Variants in SLCO5A1 observed in about 807,000 individuals in gnomAD.
SLCO5A1 encodes the protein organic anion transporter polypeptide-related protein 4.
SLCO5A1 carries 39 observed loss-of-function variants against 65.1 expected under a neutral mutation model. That is an observed-to-expected ratio of 0.60 (90% CI 0.46 to 0.78). The LOEUF (loss-of-function observed/expected upper bound fraction) is 0.78, where lower values mean the gene tolerates loss of function less well. Among genes scored for constraint, SLCO5A1 ranks in the 30% least tolerant of loss-of-function variants. The pLI is 0.00. For synonymous variants in SLCO5A1, 438 were observed against 415.7 expected (o/e 1.05, Z -0.65); for missense variants, 1,029 against 1,069.4 (o/e 0.96, Z 0.53).
intron 2 of SLCO5A1, among the ~76,000 whole-genome samples, chr8:69,764,237 A>G (rs961641683): frequency 6.6e-6 from 1 of 152,200 alleles, no homozygotes; most frequent in Admixed American, 6.5e-5. Flanking sequence ...CTCATTTCCA[A>G]TGTCAGCATA....
At chr8:69,751,704 G>A (rs931453556) in intron 4 of SLCO5A1, among the ~76,000 whole-genome samples, 2 of 151,846 alleles carry the variant, frequency 1.3e-5, no homozygotes, top group African/African-American at 4.8e-5. Flanking sequence ...TCACCACAAC[G>A]CCCATCTAAT....
chr8:69,828,340 C>T (rs1273854019), intron 2 of SLCO5A1, among the ~76,000 whole-genome samples: 3 of 151,780 alleles, frequency 2.0e-5, no homozygotes, highest in African/African-American at 7.3e-5. Flanking sequence ...CAGTGGCTCA[C>T]GCCTGTAATC....
intron 2 of SLCO5A1, among the ~76,000 whole-genome samples, chr8:69,767,479 T>C (rs9657091): frequency 0.19 from 29,016 of 152,126 alleles, 3,309 homozygotes; most frequent in African/African-American, 0.31. Flanking sequence ...TCTCTGAGCC[T>C]GTTTCCTCAT....
At chr8:69,795,553 T>C (rs1819454207) in intron 2 of SLCO5A1, among the ~76,000 whole-genome samples, 3 of 152,234 alleles carry the variant, frequency 2.0e-5, no homozygotes, top group Non-Finnish European at 4.4e-5. Context: ...CTTGGGCAGC[T>C]CTGCCCTGTG....
chr8:69,755,124 T>A (rs571555700), intron 4 of SLCO5A1, among the ~76,000 whole-genome samples: 4 of 152,364 alleles, frequency 2.6e-5, no homozygotes, highest in African/African-American at 7.2e-5. Flanking sequence ...ACCATTTTTT[T>A]AAATTATTAT....
At chr8:69,724,844 T>C (rs1479875584) in intron 5 of SLCO5A1, among the ~76,000 whole-genome samples, 3 of 152,204 alleles carry the variant, frequency 2.0e-5, no homozygotes, top group Non-Finnish European at 4.4e-5. Context: ...AGTTTGTCAC[T>C]AGCCGCAGTG....
At chr8:69,814,988 G>T (rs932502247) in intron 2 of SLCO5A1, among the ~76,000 whole-genome samples, 1 of 152,174 alleles carries the variant, frequency 6.6e-6, no homozygotes, top group Non-Finnish European at 1.5e-5. Flanking sequence ...GCAGAGAGTA[G>T]ACTGATGGTT....
At chr8:69,714,404 A>G (rs1026905878) in intron 5 of SLCO5A1, among the ~76,000 whole-genome samples, 1 of 152,250 alleles carries the variant, frequency 6.6e-6, no homozygotes, top group Non-Finnish European at 1.5e-5. Flanking sequence ...GTACCTGAAG[A>G]AGCCTTTAGG....
At chr8:69,734,927 A>G (rs1816493509) in intron 5 of SLCO5A1, among the ~76,000 whole-genome samples, 1 of 152,216 alleles carries the variant, frequency 6.6e-6, no homozygotes, top group Non-Finnish European at 1.5e-5. Flanking sequence ...GAATGATTAA[A>G]CTGATAACAA....
In SLCO5A1 at chr8:69,786,849, C is replaced by A. The variant is rs376534556; in HGVS notation, c.908-24974G>T. The stretch of plus-strand genomic sequence containing the variant: ...ATGAATACTTTGACTACTTAAACAG[C>A]CTGAAAGAAATTAAGTAAAAGCCTT... On this transcript the variant is annotated intron_variant, in intron 2 of 9. Coordinates refer to ENST00000260126, the MANE Select transcript of SLCO5A1 (RefSeq NM_030958.3). 5.9e-5 allele frequency among the ~76,000 whole-genome samples: 9 copies of A among 152,164 alleles called. No homozygotes were observed. In the East Asian group the frequency reaches 1.5e-3, roughly 26 times the overall value.
intron 6 of SLCO5A1, among the ~76,000 whole-genome samples, chr8:69,699,936 T>A (rs1450406482): frequency 6.6e-6 from 1 of 152,106 alleles, no homozygotes; most frequent in Non-Finnish European, 1.5e-5. Flanking sequence ...CTGGGCAACA[T>A]AGAGTGACCG....
At chr8:69,692,082 G>A (rs371063332) in intron 6 of SLCO5A1, among the ~76,000 whole-genome samples, 1 of 152,022 alleles carries the variant, frequency 6.6e-6, no homozygotes, top group South Asian at 2.1e-4. Flanking sequence ...CCCTGTCTCT[G>A]CTAAAAATAC....
intron 5 of SLCO5A1, among the ~76,000 whole-genome samples, chr8:69,705,739 C>T (rs1814941947): frequency 6.6e-6 from 1 of 152,240 alleles, no homozygotes; most frequent in African/African-American, 2.4e-5. Context: ...TTAAAAACCA[C>T]AGTGAAATAC....
rs1813303689 is a variant in SLCO5A1 at position 69,670,629 on chromosome 8, A to G, written c.*2240T>C. The G allele has an allele frequency of 6.6e-6, 1 of 152,192 alleles. No individual in the cohort carries two copies. The highest frequency in any genetic ancestry group is 1.5e-5 in the Non-Finnish European group (1 of 68,052). The allele number at this position is 152,192 out of a possible 1,614,324, so 9.4% of individuals were successfully genotyped here. On this transcript the variant is annotated 3_prime_UTR_variant, in exon 10 of 10. Coordinates refer to ENST00000260126, the MANE Select transcript of SLCO5A1 (RefSeq NM_030958.3). ...TGGAGTGGCAGATGGTAATCAGGTAATATGACACCTGAAGATACCTGGCAC... is the reference window on the plus strand; with the variant it reads ...TGGAGTGGCAGATGGTAATCAGGTAGTATGACACCTGAAGATACCTGGCAC...
intron 4 of SLCO5A1, among the ~76,000 whole-genome samples, chr8:69,750,574 T>C (rs1168345408): frequency 2.0e-5 from 3 of 151,960 alleles, no homozygotes; most frequent in Non-Finnish European, 4.4e-5. Context: ...GTTCAGCACA[T>C]TCAAATACAT....
chr8:69,757,013 C>T lies in SLCO5A1; in HGVS notation c.1041-1372G>A, dbSNP rs114882758. ...GCAAGCAGCATCATAAGTATTAACG[C>T]TGAATTCAATCAGGTAAGACTATAG... On this transcript the variant is annotated intron_variant, in intron 3 of 9. Coordinates refer to ENST00000260126, the MANE Select transcript of SLCO5A1 (RefSeq NM_030958.3). Among the ~76,000 whole-genome samples the T allele has an allele frequency of 8.7e-3, 1,322 of 152,302 alleles. 22 individuals are homozygous for T. The highest frequency in any genetic ancestry group is 0.03 in the African/African-American group (1,256 of 41,564).
intron 5 of SLCO5A1, among the ~76,000 whole-genome samples, chr8:69,712,672 T>C (rs1326956903): frequency 6.6e-6 from 1 of 152,198 alleles, no homozygotes. Context: ...CACCTGTCAC[T>C]CCTATTGTGT....
At position 69,789,365 on chromosome 8, in the gene SLCO5A1, A is replaced by T. The variant is rs117952789; in HGVS notation, c.908-27490T>A. 6.4e-3 allele frequency among the ~76,000 whole-genome samples: 982 copies of T among 152,352 alleles called. 2 individuals carry two copies. Among genetic ancestry groups the T allele is most frequent in the Non-Finnish European group, 9.8e-3 (667 of 68,032 alleles). ...AAAACCTAGGAGAATAAACCTGAACATTGATAGGCAAGATGTTTTAGCTTC... is the reference window on the plus strand; with the variant it reads ...AAAACCTAGGAGAATAAACCTGAACTTTGATAGGCAAGATGTTTTAGCTTC... On this transcript the variant is annotated intron_variant, in intron 2 of 9. Coordinates refer to ENST00000260126, the MANE Select transcript of SLCO5A1 (RefSeq NM_030958.3).
intron 6 of SLCO5A1, among the ~76,000 whole-genome samples, chr8:69,683,422 G>T (rs183099310): frequency 2.0e-5 from 3 of 152,190 alleles, no homozygotes; most frequent in Admixed American, 2.0e-4. Context: ...GATTTAGAGG[G>T]GGTGAAAGAA....
Sources: allele counts gnomAD v4.1 joint callset (sites outside exome capture counted in the v4.1 genomes callset), GRCh38; gene constraint gnomAD v4.1.1; transcripts MANE v1.5; gene names NCBI Gene and HGNC (gene_info 2026-07-23, HGNC 2026-07-21).